SLC44A5: variants seen among roughly 807,000 people sequenced by gnomAD.
The protein encoded by SLC44A5 is choline transporter-like protein 5.
In SLC44A5, 57 loss-of-function variants were observed where a neutral mutation model predicts 101.8. The observed-to-expected ratio is 0.56, with a 90% confidence interval of 0.45 to 0.70. The LOEUF is 0.70. Among genes scored for constraint, SLC44A5 ranks in the 30% least tolerant of loss-of-function variants. The probability of loss-of-function intolerance (pLI) is 0.00; values close to 1 mark genes in which losing one functional copy is unlikely to be tolerated. For synonymous variants in SLC44A5, 281 were observed against 290.9 expected, an observed-to-expected ratio of 0.97 and a Z score of 0.35; for missense variants, 737 against 853.1, an observed-to-expected ratio of 0.86 and a Z score of 1.70.
At chr1:75,588,211 T>TGAAGGAAGGAAGGAGGGAGG (rs1323034028) in intron 1 of SLC44A5, among the ~76,000 whole-genome samples, 1 of 121,360 alleles carries the variant, frequency 8.2e-6, no homozygotes, top group African/African-American at 3.2e-5. Context: ...AAAGAAGGGA[T>TGAAGGAAGGAAGGAGGGAGG]GAAGGAAGGA....
chr1:75,648,305 A>G, the SLC44A5 span, among the ~76,000 whole-genome samples: 2 of 152,162 alleles, frequency 1.3e-5, no homozygotes, highest in African/African-American at 2.4e-5. Context: ...GCCATGCAGA[A>G]CTGTGAGTCA....
chr1:75,317,676 G>A (rs1210379464), intron 4 of SLC44A5, among the ~76,000 whole-genome samples: 2 of 152,054 alleles, frequency 1.3e-5, no homozygotes, highest in African/African-American at 4.8e-5. Flanking sequence ...CAGTTCTGGG[G>A]GCTGTGAAGT....
chr1:75,272,493 A>G (rs1302739421), intron 6 of SLC44A5, among the ~76,000 whole-genome samples: 2 of 151,678 alleles, frequency 1.3e-5, no homozygotes, highest in Admixed American at 6.6e-5. Context: ...AGTTTTTCCA[A>G]TGTTTTTTTC....
At chr1:75,300,014 C>CAAAAAAAAAAAAAAAAAAAA (rs35608663) in intron 5 of SLC44A5, among the ~76,000 whole-genome samples, 2 of 93,778 alleles carry the variant, frequency 2.1e-5, no homozygotes, top group African/African-American at 5.4e-5. Flanking sequence ...GACTCTGTCT[C>CAAAAAAAAAAAAAAAAAAAA]AAAAAAAAAA....
intron 2 of SLC44A5, among the ~76,000 whole-genome samples, chr1:75,495,673 C>A (rs939386537): frequency 6.6e-6 from 1 of 151,382 alleles, no homozygotes; most frequent in African/African-American, 2.4e-5. Flanking sequence ...AGACAAGTAT[C>A]GGAAATCCTT....
At chr1:75,376,276 G>T (rs1165570260) in intron 3 of SLC44A5, among the ~76,000 whole-genome samples, 1 of 152,234 alleles carries the variant, frequency 6.6e-6, no homozygotes, top group Non-Finnish European at 1.5e-5. Context: ...GCCCGCCATT[G>T]CCCAGGCTTG....
intron 2 of SLC44A5, among the ~76,000 whole-genome samples, chr1:75,401,359 T>C (rs1662465058): frequency 6.6e-6 from 1 of 151,984 alleles, no homozygotes; most frequent in South Asian, 2.1e-4. Context: ...TGCATCAGGA[T>C]GATAGATCTT....
the SLC44A5 span, among the ~76,000 whole-genome samples, chr1:75,689,419 G>C: frequency 4.6e-5 from 7 of 152,266 alleles, no homozygotes; most frequent in Non-Finnish European, 7.4e-5. Flanking sequence ...TGTCTTAAAG[G>C]GGGGAACTCC....
intron 4 of SLC44A5, among the ~76,000 whole-genome samples, chr1:75,305,493 C>T (rs1482639420): frequency 6.6e-6 from 1 of 152,222 alleles, no homozygotes; most frequent in Non-Finnish European, 1.5e-5. Context: ...AATATCTTCA[C>T]TTCATGTTTA....
intron 3 of SLC44A5, among the ~76,000 whole-genome samples, chr1:75,357,035 T>C (rs1411732574): frequency 6.6e-6 from 1 of 152,186 alleles, no homozygotes; most frequent in Non-Finnish European, 1.5e-5. Context: ...CATATTCCCA[T>C]CCTTAAGTGG....
chr1:75,324,265 T>C (rs905782130), intron 4 of SLC44A5, among the ~76,000 whole-genome samples: 2 of 152,200 alleles, frequency 1.3e-5, no homozygotes, highest in Admixed American at 6.6e-5. Context: ...TGAGCTTAAA[T>C]GATCTTCAAA....
intron 2 of SLC44A5, among the ~76,000 whole-genome samples, chr1:75,405,811 G>GCAAA (rs149487707): frequency 0.26 from 38,270 of 149,540 alleles, 5,211 homozygotes; most frequent in African/African-American, 0.35. Context: ...AGAAGCAAGA[G>GCAAA]CAAACAAATT....
intron 2 of SLC44A5, among the ~76,000 whole-genome samples, chr1:75,483,777 A>G (rs1419277803): frequency 6.6e-6 from 1 of 152,204 alleles, no homozygotes; most frequent in Admixed American, 6.5e-5. Flanking sequence ...TGGGTAATTT[A>G]TAAGGAAAAG....
At chr1:75,586,261 C>G (rs1673984131) in intron 1 of SLC44A5, among the ~76,000 whole-genome samples, 1 of 151,988 alleles carries the variant, frequency 6.6e-6, no homozygotes, top group African/African-American at 2.4e-5. Flanking sequence ...TGTAACTATA[C>G]CACCAGCCTC....
chr1:75,492,923 G>T (rs1668498674), intron 2 of SLC44A5, among the ~76,000 whole-genome samples: 1 of 152,098 alleles, frequency 6.6e-6, no homozygotes, highest in Non-Finnish European at 1.5e-5. Context: ...TCCAAAGTTG[G>T]AACAAAAACT....
At chr1:75,707,616 C>T in the SLC44A5 span, among the ~76,000 whole-genome samples, 11 of 152,262 alleles carry the variant, frequency 7.2e-5, no homozygotes, top group South Asian at 6.2e-4. Flanking sequence ...ACTACTCTGA[C>T]GGATCCCCCA....
At chr1:75,451,477 G>T (rs4949855) in intron 2 of SLC44A5, among the ~76,000 whole-genome samples, 14,195 of 151,682 alleles carry the variant, frequency 0.094, 837 homozygotes, top group Admixed American at 0.19. Flanking sequence ...GGAAGGGAAG[G>T]GATAGGAAAA....
At chr1:75,533,459 A>T (rs1379892837) in intron 2 of SLC44A5, among the ~76,000 whole-genome samples, 1 of 152,184 alleles carries the variant, frequency 6.6e-6, no homozygotes, top group Non-Finnish European at 1.5e-5. Flanking sequence ...GGAGTCCCTT[A>T]TGTTTAAAAA....
At chr1:75,522,695 C>G (rs1340020965) in intron 2 of SLC44A5, among the ~76,000 whole-genome samples, 1 of 152,170 alleles carries the variant, frequency 6.6e-6, no homozygotes, top group African/African-American at 2.4e-5. Flanking sequence ...ATGCAGCGCT[C>G]TACTTCTGGA....
Sources: gnomAD v4.1 joint callset for allele counts (sites outside exome capture counted in the v4.1 genomes callset) on GRCh38, gnomAD v4.1.1 for gene constraint, MANE v1.5 for transcripts, NCBI Gene and HGNC (gene_info 2026-07-23, HGNC 2026-07-21) for gene names.